Variants in DHRS3 observed in about 807,000 individuals in gnomAD.
DHRS3 encodes short-chain dehydrogenase/reductase 3.
DHRS3 carries 14 observed loss-of-function variants against 27.2 expected under a neutral mutation model. The ratio of observed to expected loss-of-function variants is 0.52; its 90% CI spans 0.34 to 0.81. The LOEUF (loss-of-function observed/expected upper bound fraction) is 0.81, where lower values mean the gene tolerates loss of function less well. Ranked by LOEUF, DHRS3 falls within the 30% of genes least tolerant of loss-of-function variation. DHRS3 has a pLI of 0.01. For missense variants in DHRS3, 322 were observed against 406.2 expected, an observed-to-expected ratio of 0.79 and a Z score of 1.78; for synonymous variants, 165 against 175.9, an observed-to-expected ratio of 0.94 and a Z score of 0.49.
chr1:12,601,158 C>T (rs1432760484), intron 1 of DHRS3, among the ~76,000 whole-genome samples: 1 of 152,030 alleles, frequency 6.6e-6, no homozygotes, highest in Non-Finnish European at 1.5e-5. Context: ...ACCCCTTGCT[C>T]CTGCTCATTG....
chr1:12,588,327 T>G (rs957204851), intron 1 of DHRS3, among the ~76,000 whole-genome samples: 26 of 152,168 alleles, frequency 1.7e-4, no homozygotes, highest in Admixed American at 1.3e-4. Flanking sequence ...AGTACATGGA[T>G]ATGTTTTCTT....
rs931164934 is a variant in DHRS3, at chr1:12,568,146, T to C, written c.*194A>G. ...TTCTGGCTGTTTTCCTGCCTCCCTG[T>C]GGGGGTCAGTTATACCCATCAGTCC... On this transcript the variant is annotated 3_prime_UTR_variant, in exon 6 of 6. Transcript: ENST00000616661. 5.5e-6 allele frequency: 3 copies of C among 548,782 alleles called. No homozygotes were observed. The highest frequency in any genetic ancestry group is 1.9e-5 in the African/African-American group (1 of 52,510). 34.0% of individuals were successfully genotyped at this position (548,782 alleles called of 1,614,324 possible).
At chr1:12,588,551 C>T (rs1220804583) in intron 1 of DHRS3, among the ~76,000 whole-genome samples, 1 of 152,210 alleles carries the variant, frequency 6.6e-6, no homozygotes, top group Non-Finnish European at 1.5e-5. Context: ...ACCCCTGCCT[C>T]TCCCATGAGC....
intron 1 of DHRS3, among the ~76,000 whole-genome samples, chr1:12,583,864 T>C (rs1362585268): frequency 6.6e-6 from 1 of 150,944 alleles, no homozygotes; most frequent in African/African-American, 2.4e-5. Context: ...ACTTCATCCA[T>C]CCATGCATTC....
chr1:12,571,988 C>T (rs895745716), intron 5 of DHRS3, among the ~76,000 whole-genome samples: 4 of 151,884 alleles, frequency 2.6e-5, no homozygotes, highest in African/African-American at 9.7e-5. Flanking sequence ...TCAATTAAGC[C>T]AAACAAAGAG....
intron 5 of DHRS3, among the ~76,000 whole-genome samples, chr1:12,570,765 C>T (rs1380047781): frequency 6.6e-6 from 1 of 152,176 alleles, no homozygotes; most frequent in Non-Finnish European, 1.5e-5. Flanking sequence ...CAACTAGGGG[C>T]TCCTAGAGAC....
intron 1 of DHRS3, chr1:12,616,877 A>G: frequency 9.9e-7 from 1 of 1,006,186 alleles, no homozygotes; most frequent in Non-Finnish European, 1.3e-6. Context: ...AATGTGGGAA[A>G]TGGTGGGTCT....
intron 4 of DHRS3, among the ~76,000 whole-genome samples, chr1:12,577,475 C>T (rs72871183): frequency 2.4e-4 from 37 of 152,298 alleles, no homozygotes; most frequent in African/African-American, 8.9e-4. Flanking sequence ...GTCCCCGTTC[C>T]CCTTGACTTA....
At chr1:12,568,518 G>A in intron 5 of DHRS3, 94 bp from the exon 6 acceptor site, 1 of 1,241,762 alleles carries the variant, frequency 8.1e-7, no homozygotes, top group Non-Finnish European at 1.2e-6. Flanking sequence ...GGGCAGCAGA[G>A]GGCTGGTTCC....
chr1:12,579,106 C>A, intron 3 of DHRS3, 150 bp from the exon 4 acceptor site: 2 of 1,258,070 alleles, frequency 1.6e-6, no homozygotes, highest in East Asian at 2.5e-5. Context: ...CTCCCTGCCC[C>A]AGGACACCGA....
intron 1 of DHRS3, among the ~76,000 whole-genome samples, chr1:12,614,379 G>A (rs1646929902): frequency 6.6e-6 from 1 of 152,030 alleles, no homozygotes; most frequent in African/African-American, 2.4e-5. Context: ...GGAGGGCAAA[G>A]AAAATTAAAA....
Position 12,578,649 on chromosome 1 carries a change from T to G in DHRS3, c.698+69A>C, listed in dbSNP as rs577356016. On this transcript the variant is annotated intron_variant, in intron 4 of 5. Transcript: ENST00000616661. This position sits in a 1 kb window ranked among gnomAD's most constrained non-coding sequence, Gnocchi z 4.5. ...TTTATATCAGAGCTCTTTCTGCAGTTGGCTGACTGAATGGCTTGGGGAGGC... is the reference window on the plus strand; with the variant it reads ...TTTATATCAGAGCTCTTTCTGCAGTGGGCTGACTGAATGGCTTGGGGAGGC... 2 of 1,458,782 alleles carry G rather than the reference T, an allele frequency of 1.4e-6. No individual in the cohort carries two copies. The highest frequency in any genetic ancestry group is 3.4e-5 in the Admixed American group (2 of 58,896). The allele number at this position is 1,458,782 out of a possible 1,614,324, so 90.4% of individuals were successfully genotyped here. A position where few individuals can be genotyped will look rare whatever the true frequency, so the allele number is the denominator to read the frequency against.
chr1:12,585,949 A>G (rs566714803), intron 1 of DHRS3, among the ~76,000 whole-genome samples: 2 of 152,096 alleles, frequency 1.3e-5, no homozygotes, highest in South Asian at 4.2e-4. Context: ...CCTGGAATTT[A>G]CTCTTAAGCA....
chr1:12,616,962 T>G (rs1412290850), intron 1 of DHRS3, among the ~76,000 whole-genome samples, 192 bp downstream of exon 1: 1 of 152,154 alleles, frequency 6.6e-6, no homozygotes, highest in African/African-American at 2.4e-5. Context: ...ACTCTGAACC[T>G]GCCAAAAAAG....
rs561745373 is a variant in DHRS3, at chr1:12,592,419, A to C, written c.196-11753T>G. Among the ~76,000 whole-genome samples, 41 of 152,316 alleles carry C rather than the reference A, an allele frequency of 2.7e-4. No individual in the cohort carries two copies. Among genetic ancestry groups the C allele is most frequent in the African/African-American group, 8.9e-4 (37 of 41,560 alleles). The stretch of plus-strand genomic sequence containing the variant: ...TCTGAGTCTAAGGACTAGTGTCCTC[A>C]TGAGAGACAGAAGAAAGACATACAC... On this transcript the variant is annotated intron_variant, in intron 1 of 5. Transcript: ENST00000616661. This position sits in a 1 kb window ranked among gnomAD's most constrained non-coding sequence, Gnocchi z 4.2.
intron 1 of DHRS3, among the ~76,000 whole-genome samples, chr1:12,589,816 T>C (rs1171660046): frequency 6.6e-6 from 1 of 151,850 alleles, no homozygotes; most frequent in Non-Finnish European, 1.5e-5. Flanking sequence ...AGACTCTGTC[T>C]CTGTTTTGTA....
At position 12,571,526 on chromosome 1, in the gene DHRS3, A is replaced by ATTTT. The variant is rs371364169; in HGVS notation, c.824+1198_824+1201dup. Among the ~76,000 whole-genome samples, 9 of 126,730 alleles carry ATTTT rather than the reference A, an allele frequency of 7.1e-5. 1 individual carries two copies. The highest frequency in any genetic ancestry group is 2.5e-4 in the South Asian group (1 of 3,938). 83.1% of individuals were successfully genotyped at this position (126,730 alleles called of 152,430 possible). ...ATCTCTTCAGGGGTCTGTGAGGTCA[A>ATTTT]TTTTTTTTTTTTTTTTTTTTTGAGA... is the stretch of plus-strand genomic sequence containing the variant. On this transcript the variant is annotated intron_variant, in intron 5 of 5. Transcript: ENST00000616661.
At chr1:12,612,249 C>G (rs1218528475) in intron 1 of DHRS3, among the ~76,000 whole-genome samples, 1 of 152,126 alleles carries the variant, frequency 6.6e-6, no homozygotes, top group Non-Finnish European at 1.5e-5. Context: ...TTGGTTAGTG[C>G]AGCTGTTTTG....
intron 1 of DHRS3, among the ~76,000 whole-genome samples, chr1:12,610,785 A>G (rs776006848): frequency 6.6e-6 from 1 of 152,212 alleles, no homozygotes; most frequent in Non-Finnish European, 1.5e-5. Context: ...TATGTTTGAA[A>G]TGTTTCAAGT....
Sources: allele counts gnomAD v4.1 joint callset (sites outside exome capture counted in the v4.1 genomes callset), GRCh38; gene constraint gnomAD v4.1.1; non-coding constraint Gnocchi (gnomAD v3.1); transcripts MANE v1.5; gene names NCBI Gene and HGNC (gene_info 2026-07-23, HGNC 2026-07-21).